The following ZNF133 variants were observed in gnomAD, a reference collection of about 807,000 sequenced individuals.
ZNF133 encodes the protein zinc finger protein 133 (clone pHZ-13).
In ZNF133, 26 loss-of-function variants were observed where a neutral mutation model predicts 54.9. The observed-to-expected ratio is 0.47, with a 90% CI of 0.35 to 0.66. The LOEUF is 0.66. ZNF133 is among the 30% of genes least tolerant of loss of function. The pLI is 0.01. For synonymous variants in ZNF133, 298 were observed against 320.3 expected, an observed-to-expected ratio of 0.93 and a Z score of 0.74; for missense variants, 653 against 820.8, an observed-to-expected ratio of 0.80 and a Z score of 2.50.
chr20:18,307,757 C>T (rs963668873), intron 6 of ZNF133, among the ~76,000 whole-genome samples: 1 of 152,064 alleles, frequency 6.6e-6, no homozygotes, highest in African/African-American at 2.4e-5. Context: ...AGTTTACTGT[C>T]TCATTTGTCA....
chr20:18,289,233 A>G (rs1196152862), intron 1 of ZNF133, among the ~76,000 whole-genome samples: 1 of 152,110 alleles, frequency 6.6e-6, no homozygotes, highest in Non-Finnish European at 1.5e-5. Flanking sequence ...GCGTTGGAGG[A>G]GGAAGTCTGG....
At chr20:18,292,922 A>G (rs889387575) in intron 1 of ZNF133, among the ~76,000 whole-genome samples, 3 of 152,312 alleles carry the variant, frequency 2.0e-5, no homozygotes, top group Admixed American at 6.5e-5. Flanking sequence ...TGGTGCTCCA[A>G]CTGGTGTAGG....
intron 1 of ZNF133, among the ~76,000 whole-genome samples, chr20:18,296,134 C>T (rs1301601421): frequency 1.3e-5 from 2 of 152,058 alleles, no homozygotes; most frequent in Non-Finnish European, 2.9e-5. Context: ...ACACAATGCC[C>T]TATAACATTA....
At position 18,316,401 on chromosome 20, in the gene ZNF133, CA is replaced by C. The variant is rs2047493987; in HGVS notation, c.1551del (p.Glu519ArgfsTer47). The C allele has an allele frequency of 6.2e-7, 1 of 1,614,036 alleles. No individual in the cohort carries two copies. Among genetic ancestry groups the C allele is most frequent in the Non-Finnish European group, 8.5e-7 (1 of 1,179,952 alleles). ...SNLVAHQRTH[S>X]GERPYVCREC... ...CTTGTTGCACACCAGAGGACGCACT[CA>C]GGGGAGAGGCCGTATGTGTGCCGAG... On this transcript the variant is annotated frameshift_variant, in exon 7 of 7. Transcript: ENST00000425686. LOFTEE classifies it high-confidence loss of function.
Position 18,291,170 on chromosome 20 carries a change from T to C in ZNF133, c.-432+2566T>C, listed in dbSNP as rs541162511. On this transcript the variant is annotated intron_variant, in intron 1 of 6. Transcript: ENST00000425686. ...TCTCCATTTCTGCACTGCCCTAGCTTCCTGTCTCTTCTTCACCTTCTTGCC... is the reference window on the plus strand; with the variant it reads ...TCTCCATTTCTGCACTGCCCTAGCTCCCTGTCTCTTCTTCACCTTCTTGCC... 2.7e-4 allele frequency among the ~76,000 whole-genome samples: 41 copies of C among 152,202 alleles called. 1 individual carries two copies. The highest frequency in any genetic ancestry group is 1.9e-3 in the Admixed American group (29 of 15,286).
In ZNF133 at chr20:18,298,346, G is replaced by C; in HGVS notation, c.-296G>C. On this transcript the variant is annotated 5_prime_UTR_variant, in exon 3 of 7. Coordinates refer to ENST00000425686, the MANE Select transcript of ZNF133 (RefSeq NM_001352452.2). ...ACAGTAATGGAACGGGAAGATTCTG[G>C]AATCTGTGTCCCCACCTAGACAACG... The C allele has an allele frequency of 7.8e-7, 1 of 1,284,736 alleles. No homozygotes were observed. The highest frequency in any genetic ancestry group is 9.9e-7 in the Non-Finnish European group (1 of 1,013,646). The allele number at this position is 1,284,736 out of a possible 1,614,324, so 79.6% of individuals were successfully genotyped here. A position where few individuals can be genotyped will look rare whatever the true frequency, so the allele number is the denominator to read the frequency against.
chr20:18,307,051 T>C (rs2044789212), intron 6 of ZNF133, among the ~76,000 whole-genome samples: 1 of 129,900 alleles, frequency 7.7e-6, no homozygotes, highest in African/African-American at 3.7e-5. Flanking sequence ...ACAGTTCCAA[T>C]CACCCCCCCT....
In ZNF133 at chr20:18,315,674, T is replaced by C; in HGVS notation, c.823T>C (p.Cys275Arg). 1 of 1,613,520 alleles carries C rather than the reference T, an allele frequency of 6.2e-7. No individual in the cohort carries two copies. The highest frequency in any genetic ancestry group is 8.5e-7 in the Non-Finnish European group (1 of 1,179,808). ...SGEKPIVCRE[C>R]GRGFNRKSTL... ...GGAGAAGCCAATTGTGTGCAGGGAGTGTGGACGAGGCTTTAACCGGAAGTC... is the reference window on the plus strand; with the variant it reads ...GGAGAAGCCAATTGTGTGCAGGGAGCGTGGACGAGGCTTTAACCGGAAGTC... Residue 275 changes from cysteine (C) to arginine (R), a missense_variant, in exon 7 of 7, where the codon TGT becomes CGT. By Grantham distance (180) the Cys-to-Arg change is radical (BLOSUM62 -3). Coordinates refer to ENST00000425686, the MANE Select transcript of ZNF133 (RefSeq NM_001352452.2).
chr20:18,291,661 A>G (rs964596074), intron 1 of ZNF133, among the ~76,000 whole-genome samples: 6 of 151,006 alleles, frequency 4.0e-5, no homozygotes, highest in South Asian at 2.1e-4. Context: ...TCTGTGTGCA[A>G]CTCACATCCT....
intron 1 of ZNF133, among the ~76,000 whole-genome samples, chr20:18,292,515 C>G (rs184516056): frequency 6.6e-5 from 10 of 152,186 alleles, no homozygotes; most frequent in Middle Eastern, 3.2e-3. Flanking sequence ...TCCCTGGGCT[C>G]TTCACATCCT....
intron 1 of ZNF133, among the ~76,000 whole-genome samples, chr20:18,289,290 A>G (rs569047487): frequency 9.9e-5 from 15 of 152,278 alleles, no homozygotes; most frequent in Admixed American, 6.5e-4. Flanking sequence ...AGGGACCGTC[A>G]TTGATCGCAA....
chr20:18,306,763 G>A, intron 6 of ZNF133: 2 of 1,313,430 alleles, frequency 1.5e-6, no homozygotes, highest in Non-Finnish European at 2.0e-6. Context: ...CCCAGTGGGA[G>A]GAAGAAATCT....
In ZNF133 at chr20:18,315,478, A is replaced by G. The variant is rs540663079; in HGVS notation, c.627A>G (p.Leu209=). 2 of 1,614,232 alleles carry G rather than the reference A, an allele frequency of 1.2e-6. No homozygotes were observed. Among genetic ancestry groups the G allele is most frequent in the East Asian group, 4.5e-5 (2 of 44,876 alleles). Reference sequence around the variant, plus strand: ...AATTGTTGAAGAGGATAGAAGTCTTAGGATTTGGAACAGTCAACTGTGGAG... The same window carrying G: ...AATTGTTGAAGAGGATAGAAGTCTTGGGATTTGGAACAGTCAACTGTGGAG... ...TDKLLKRIEV[L]GFGTVNCGEC... The change falls in exon 7 of 7, where the codon TTA becomes TTG. Residue 209 remains leucine, a synonymous_variant. Coordinates refer to ENST00000425686, the MANE Select transcript of ZNF133 (RefSeq NM_001352452.2).
In ZNF133 at chr20:18,306,728, C is replaced by T. The variant is rs1235895065; in HGVS notation, c.217+335C>T. 6 of 1,348,552 alleles carry T rather than the reference C, an allele frequency of 4.4e-6. No homozygotes were observed. In the African/African-American group the frequency reaches 9.0e-5, roughly 20 times the overall value. The allele number at this position is 1,348,552 out of a possible 1,614,324, so 83.5% of individuals were successfully genotyped here. A position where few individuals can be genotyped will look rare whatever the true frequency, so the allele number is the denominator to read the frequency against. On this transcript the variant is annotated intron_variant, in intron 6 of 6. Coordinates refer to ENST00000425686, the MANE Select transcript of ZNF133 (RefSeq NM_001352452.2). Reference sequence around the variant, plus strand: ...AAGATCATCAAGAATATGGAAACAACTGTGACCTACAGAAAGAAGGCAAGC... The same window carrying T: ...AAGATCATCAAGAATATGGAAACAATTGTGACCTACAGAAAGAAGGCAAGC...
intron 1 of ZNF133, among the ~76,000 whole-genome samples, chr20:18,291,473 T>C (rs759280730): frequency 8.5e-5 from 13 of 152,268 alleles, no homozygotes; most frequent in African/African-American, 2.9e-4. Context: ...TCCTAACTCA[T>C]AGCCTGCTCC....
chr20:18,294,780 T>C (rs2041895539), intron 1 of ZNF133, among the ~76,000 whole-genome samples: 1 of 152,212 alleles, frequency 6.6e-6, no homozygotes. Flanking sequence ...AAAGATCCCC[T>C]AAAATTGAAC....
intron 1 of ZNF133, among the ~76,000 whole-genome samples, chr20:18,296,727 A>G (rs562649318): frequency 6.6e-6 from 1 of 152,346 alleles, no homozygotes; most frequent in South Asian, 2.1e-4. Context: ...TGGTATGAAC[A>G]TGAGCGCACA....
rs201497072 is a variant in ZNF133 at position 18,316,668 on chromosome 20, A to G, written c.1817A>G (p.Tyr606Cys). The change falls in exon 7 of 7, where the codon TAT becomes TGT. Residue 606 changes from tyrosine to cysteine, a missense_variant. Physicochemically the swap from Tyr to Cys is radical, Grantham distance 194. Transcript: ENST00000425686. ...ATGACACATACGGGGGAGAAGCCAT[A>G]TGTGTGCAAGACGTGTGGGCGGGGC... ...HQMTHTGEKP[Y>C]VCKTCGRGFS... 3 of 1,613,734 alleles carry G rather than the reference A, an allele frequency of 1.9e-6. No individual in the cohort carries two copies. Among genetic ancestry groups the G allele is most frequent in the Non-Finnish European group, 2.5e-6 (3 of 1,179,920 alleles).
In ZNF133 at chr20:18,315,425, C is replaced by G; in HGVS notation, c.574C>G (p.Gln192Glu). ...GGTGGAGTTAGAAGCCAGCCCAGCT[C>G]AGTCAGGGAACCCTGAGGAAACAGA... Reference protein sequence around the residue: ...RGVELEASPAQSGNPEETDKL... With the variant: ...RGVELEASPAESGNPEETDKL... The change falls in exon 7 of 7, where the codon CAG (glutamine) becomes GAG (glutamate). Residue 192 changes from glutamine (Q) to glutamate (E), a missense_variant. Around this residue, in one of 4 missense-constraint regions of ZNF133, gnomAD observed 227 missense variants for 233.9 expected, o/e 0.97. Transcript: ENST00000425686. 6.2e-7 allele frequency: 1 copy of G among 1,614,124 alleles called. No individual in the cohort carries two copies. The highest frequency in any genetic ancestry group is 8.5e-7 in the Non-Finnish European group (1 of 1,179,980).
Sources: allele counts gnomAD v4.1 joint callset (sites outside exome capture counted in the v4.1 genomes callset), GRCh38; gene constraint gnomAD v4.1.1; regional missense constraint gnomAD v4.1.1; transcripts MANE v1.5; gene names NCBI Gene and HGNC (gene_info 2026-07-23, HGNC 2026-07-21).